Variants in PEMT observed in about 807,000 individuals in gnomAD.
The protein encoded by PEMT is phospholipid methyltransferase.
Under a neutral mutation model 27.4 loss-of-function variants are expected in PEMT, and 23 were observed. The observed-to-expected ratio is 0.84, with a 90% CI of 0.60 to 1.19. The LOEUF (loss-of-function observed/expected upper bound fraction) is 1.19, where lower values mean the gene tolerates loss of function less well. PEMT is among the 50% of genes most tolerant of loss of function. PEMT has a pLI of 0.00. For synonymous variants in PEMT, 137 were observed against 139.1 expected (o/e 0.98, Z 0.11); for missense variants, 307 against 310.1 (o/e 0.99, Z 0.07).
intron 2 of PEMT, among the ~76,000 whole-genome samples, chr17:17,573,382 G>A (rs1284636252): frequency 4.8e-5 from 7 of 146,882 alleles, no homozygotes; most frequent in East Asian, 2.0e-4. Flanking sequence ...CAGGGGAATC[G>A]CTTGAACCTG....
At chr17:17,540,782 C>T (rs1908823937) in intron 2 of PEMT, among the ~76,000 whole-genome samples, 1 of 152,240 alleles carries the variant, frequency 6.6e-6, no homozygotes, top group South Asian at 2.1e-4. Flanking sequence ...CTCGCTCCCC[C>T]ACCTTGGACA....
chr17:17,582,953 TG>T lies in PEMT; in HGVS notation c.97-5927del, dbSNP rs1306747757. On this transcript the variant is annotated intron_variant, in intron 1 of 6. Coordinates refer to ENST00000255389, the MANE Select transcript of PEMT (RefSeq NM_148172.3). The surrounding 1 kb of genome is among the most constrained non-coding windows in gnomAD (Gnocchi z 4.9). Reference sequence around the variant, plus strand: ...GGTGCACGACTGTAGTCCCAGCTACTGGGGAGGCTGAGGCAGAAGAATCACT... The same window carrying T: ...GGTGCACGACTGTAGTCCCAGCTACTGGGAGGCTGAGGCAGAAGAATCACT... Among the ~76,000 whole-genome samples the T allele has an allele frequency of 1.3e-5, 2 of 151,026 alleles. No individual in the cohort carries two copies. Among genetic ancestry groups the T allele is most frequent in the Admixed American group, 1.3e-4 (2 of 15,050 alleles).
intron 2 of PEMT, among the ~76,000 whole-genome samples, chr17:17,526,881 T>G (rs963929526): frequency 6.6e-6 from 1 of 152,046 alleles, no homozygotes; most frequent in African/African-American, 2.4e-5. Context: ...GAACACAGCC[T>G]CCCACCCCAC....
At chr17:17,507,331 C>T (rs1905957382) in intron 5 of PEMT, 2 of 715,654 alleles carry the variant, frequency 2.8e-6, no homozygotes, top group Admixed American at 2.2e-5. Flanking sequence ...GCCCCTGTGC[C>T]AAGCTGCCCC....
rs1386256283 is a variant in PEMT at position 17,561,339 on chromosome 17, G to C, written c.204+15581C>G. ...GGCACGAAGCTTAGCACAGTGAATGGCCAGCCACAGCCGGAACCCAAGCGG... is the reference window on the plus strand; with the variant it reads ...GGCACGAAGCTTAGCACAGTGAATGCCCAGCCACAGCCGGAACCCAAGCGG... On this transcript the variant is annotated intron_variant, in intron 2 of 6. Coordinates refer to ENST00000255389, the MANE Select transcript of PEMT (RefSeq NM_148172.3). The surrounding 1 kb of genome is among the most constrained non-coding windows in gnomAD (Gnocchi z 4.5). Among the ~76,000 whole-genome samples the C allele has an allele frequency of 1.3e-5, 2 of 152,320 alleles. No individual in the cohort carries two copies. Among genetic ancestry groups the C allele is most frequent in the Admixed American group, 6.5e-5 (1 of 15,302 alleles).
chr17:17,516,250 G>A (rs556129272), intron 3 of PEMT, among the ~76,000 whole-genome samples: 6 of 152,098 alleles, frequency 3.9e-5, no homozygotes, highest in African/African-American at 1.4e-4. Context: ...GTCGTCTGAT[G>A]GGCTCATTTC....
rs1407779310 is a variant in PEMT at position 17,577,567 on chromosome 17, C to T, written c.97-540G>A. 6.2e-5 allele frequency: 61 copies of T among 983,246 alleles called. 2 individuals carry two copies. In the South Asian group the frequency reaches 8.9e-4, roughly 14 times the overall value. The allele number at this position is 983,246 out of a possible 1,614,324, so 60.9% of individuals were successfully genotyped here. On this transcript the variant is annotated intron_variant, in intron 1 of 6. Coordinates refer to ENST00000255389, the MANE Select transcript of PEMT (RefSeq NM_148172.3). ...ACATCCCGGCCACGCCACCCGCATA[C>T]GGGGGGCACGTGGACACTGCCCCCG...
At chr17:17,511,704 A>C (rs1399316414) in intron 4 of PEMT, among the ~76,000 whole-genome samples, 1 of 152,164 alleles carries the variant, frequency 6.6e-6, no homozygotes, top group Non-Finnish European at 1.5e-5. Context: ...GGCCAGCTGG[A>C]CCAACTCCCT....
intron 2 of PEMT, among the ~76,000 whole-genome samples, chr17:17,571,555 TGAG>T (rs1280251279): frequency 7.2e-5 from 11 of 151,968 alleles, no homozygotes; most frequent in Non-Finnish European, 1.5e-4. Flanking sequence ...TGGGTGCTGA[TGAG>T]CAGAAGCGGG....
At chr17:17,518,693 C>G (rs1026978719) in intron 3 of PEMT, among the ~76,000 whole-genome samples, 18 of 152,356 alleles carry the variant, frequency 1.2e-4, no homozygotes, top group African/African-American at 4.3e-4. Flanking sequence ...CCTGTGTTCT[C>G]TGCCCACCAA....
At chr17:17,586,853 A>C (rs547563144) in intron 1 of PEMT, among the ~76,000 whole-genome samples, 1 of 152,134 alleles carries the variant, frequency 6.6e-6, no homozygotes, top group Non-Finnish European at 1.5e-5. Context: ...ATATACAAAA[A>C]TTAACCAGGC....
chr17:17,549,518 C>G (rs1909502242), intron 2 of PEMT, among the ~76,000 whole-genome samples: 3 of 152,202 alleles, frequency 2.0e-5, no homozygotes, highest in East Asian at 1.9e-4. Flanking sequence ...GTTGCCCAGG[C>G]TGCTTCCAAA....
At chr17:17,577,917 T>C (rs891496346) in intron 1 of PEMT, among the ~76,000 whole-genome samples, 5 of 149,658 alleles carry the variant, frequency 3.3e-5, no homozygotes, top group African/African-American at 7.4e-5. Context: ...CTCAGGAGAC[T>C]GAGGCAGGAG....
chr17:17,560,913 C>A (rs557063855), intron 2 of PEMT, among the ~76,000 whole-genome samples: 1 of 152,090 alleles, frequency 6.6e-6, no homozygotes, highest in South Asian at 2.1e-4. Context: ...CTGCCTTTAA[C>A]CAACCATCCC....
At chr17:17,554,410 GC>G (rs1909899143) in intron 2 of PEMT, among the ~76,000 whole-genome samples, 1 of 152,136 alleles carries the variant, frequency 6.6e-6, no homozygotes, top group Non-Finnish European at 1.5e-5. Context: ...GGCCCTCCGT[GC>G]ACGGCAAGCA....
At chr17:17,509,013 G>A (rs368504347) in intron 5 of PEMT, among the ~76,000 whole-genome samples, 29 of 152,388 alleles carry the variant, frequency 1.9e-4, no homozygotes, top group African/African-American at 6.2e-4. Context: ...ATTTTTAAAC[G>A]GTTAAAAGCA....
In PEMT at chr17:17,564,151, G is replaced by A. The variant is rs541326245; in HGVS notation, c.204+12769C>T. The stretch of plus-strand genomic sequence containing the variant: ...AAGGAGAAGAGCCACAGACGCCACC[G>A]GAAGGATGCGGCATCGAACACCAGG... On this transcript the variant is annotated intron_variant, in intron 2 of 6. Transcript: ENST00000255389. Among the ~76,000 whole-genome samples, 14 of 152,310 alleles carry A rather than the reference G, an allele frequency of 9.2e-5. No individual in the cohort carries two copies. In the South Asian group the frequency reaches 1.9e-3, roughly 20 times the overall value.
chr17:17,586,267 AGAAAGAAAGAAAGAAAGAAAG>A (rs1286315737), intron 1 of PEMT, among the ~76,000 whole-genome samples: 33 of 118,408 alleles, frequency 2.8e-4, no homozygotes, highest in African/African-American at 5.1e-4. Context: ...AAAGAAAGAA[AGAAAGAAAGAAAGAAAGAAAG>A]AAAAAAAAAA....
rs113908304 is a variant in PEMT, at chr17:17,582,671, G to A, written c.97-5644C>T. ...CTGCCCTCATGCCCTGGCACCATAA[G>A]CTGACTCGGGTAACGTTTATTTAGG... On this transcript the variant is annotated intron_variant, in intron 1 of 6. Coordinates refer to ENST00000255389, the MANE Select transcript of PEMT (RefSeq NM_148172.3). The surrounding 1 kb of genome is among the most constrained non-coding windows in gnomAD (Gnocchi z 4.9). 2.5e-4 allele frequency among the ~76,000 whole-genome samples: 38 copies of A among 152,336 alleles called. No individual in the cohort carries two copies. Among genetic ancestry groups the A allele is most frequent in the African/African-American group, 7.0e-4 (29 of 41,578 alleles).
Sources: gnomAD v4.1 joint callset for allele counts (sites outside exome capture counted in the v4.1 genomes callset) on GRCh38, gnomAD v4.1.1 for gene constraint, Gnocchi (gnomAD v3.1) non-coding constraint, MANE v1.5 for transcripts, NCBI Gene and HGNC (gene_info 2026-07-23, HGNC 2026-07-21) for gene names.